CWC27: variants seen among roughly 807,000 people sequenced by gnomAD.
CWC27 encodes the protein CWC27 spliceosome associated cyclophilin.
CWC27 carries 47 observed loss-of-function variants against 63.6 expected under a neutral mutation model. The ratio of observed to expected loss-of-function variants is 0.74; its 90% CI spans 0.58 to 0.94. CWC27 has a LOEUF of 0.94. Ranked by LOEUF, CWC27 falls within the 40% of genes least tolerant of loss-of-function variation. CWC27 has a pLI of 0.00. For synonymous variants in CWC27, 175 were observed against 179.8 expected, an observed-to-expected ratio of 0.97 and a Z score of 0.22; for missense variants, 495 against 554.3, an observed-to-expected ratio of 0.89 and a Z score of 1.07.
intron 10 of CWC27, among the ~76,000 whole-genome samples, chr5:64,871,375 G>A (rs12659640): frequency 0.32 from 48,393 of 151,890 alleles, 8,609 homozygotes; most frequent in Middle Eastern, 0.5. Flanking sequence ...TCTTTATGGA[G>A]AACATGGCAT....
chr5:64,839,199 T>C (rs910978824), intron 10 of CWC27, among the ~76,000 whole-genome samples: 5 of 152,142 alleles, frequency 3.3e-5, no homozygotes, highest in Non-Finnish European at 7.4e-5. Flanking sequence ...TGCACAGAAT[T>C]TAGATATATG....
chr5:64,954,009 A>T (rs1479617691), intron 11 of CWC27, among the ~76,000 whole-genome samples: 3 of 152,030 alleles, frequency 2.0e-5, no homozygotes, highest in South Asian at 2.1e-4. Context: ...CTTTTTTTTT[A>T]AAACAAAAGT....
chr5:64,955,943 A>C (rs1748794980), intron 11 of CWC27, among the ~76,000 whole-genome samples: 1 of 152,124 alleles, frequency 6.6e-6, no homozygotes, highest in Admixed American at 6.6e-5. Flanking sequence ...TCCCTGTCTC[A>C]CCTTTGCACT....
chr5:64,867,576 G>A (rs546383032), intron 10 of CWC27, among the ~76,000 whole-genome samples: 10 of 152,136 alleles, frequency 6.6e-5, no homozygotes, highest in African/African-American at 1.7e-4. Flanking sequence ...TAAGTCAGAG[G>A]TCCTGGCAAA....
At chr5:64,827,149 A>G (rs1004339970) in intron 10 of CWC27, among the ~76,000 whole-genome samples, 5 of 152,256 alleles carry the variant, frequency 3.3e-5, no homozygotes, top group East Asian at 3.9e-4. Context: ...CATACTTGAT[A>G]TTTGTATTTA....
intron 13 of CWC27, among the ~76,000 whole-genome samples, chr5:64,994,220 A>G (rs954854828): frequency 5.9e-5 from 9 of 152,176 alleles, no homozygotes; most frequent in Admixed American, 6.5e-5. Context: ...TTTTCCCAAG[A>G]ACAGAATCAT....
intron 6 of CWC27, 32 bp from the exon 7 acceptor site, chr5:64,788,919 C>CTT: frequency 8.3e-5 from 103 of 1,240,162 alleles, no homozygotes; most frequent in Middle Eastern, 4.7e-4. Context: ...CTTTCTCTTT[C>CTT]TTTTTTTTTT....
intron 10 of CWC27, among the ~76,000 whole-genome samples, chr5:64,871,405 A>T (rs1050449218): frequency 6.6e-6 from 1 of 152,144 alleles, no homozygotes; most frequent in South Asian, 2.1e-4. Flanking sequence ...GATCTGAAGG[A>T]TGACTATGAG....
Position 64,801,285 on chromosome 5 carries a change from G to T in CWC27, c.750-17G>T. 7.1e-7 allele frequency: 1 copy of T among 1,417,252 alleles called. No homozygotes were observed. The highest frequency in any genetic ancestry group is 9.5e-7 in the Non-Finnish European group (1 of 1,050,052). 87.8% of individuals were successfully genotyped at this position (1,417,252 alleles called of 1,614,324 possible). ...TTACCTTGAAACTAAAATTTGTTTTGCTTATTTTTTTTATAGTGAAAAAGG... is the reference window on the plus strand; with the variant it reads ...TTACCTTGAAACTAAAATTTGTTTTTCTTATTTTTTTTATAGTGAAAAAGG... On this transcript the variant is annotated splice_polypyrimidine_tract_variant and intron_variant, in intron 8 of 13. Coordinates refer to ENST00000381070, the MANE Select transcript of CWC27 (RefSeq NM_005869.4).
At chr5:64,804,114 TA>T (rs200513803) in intron 9 of CWC27, 114 bp from the exon 10 acceptor site, 9,214 of 779,444 alleles carry the variant, frequency 0.012, 21 homozygotes, top group African/African-American at 0.022. Flanking sequence ...GAAAACAAAA[TA>T]AAAAAAAAAA....
chr5:64,842,614 T>C (rs189761835), intron 10 of CWC27, among the ~76,000 whole-genome samples: 71 of 151,622 alleles, frequency 4.7e-4, no homozygotes, highest in Admixed American at 2.0e-3. Context: ...TTTTTTTTTT[T>C]AATTAGATAG....
intron 13 of CWC27, among the ~76,000 whole-genome samples, chr5:64,981,073 C>G (rs944638777): frequency 6.6e-6 from 1 of 151,776 alleles, no homozygotes; most frequent in Non-Finnish European, 1.5e-5. Flanking sequence ...ACCTGGTTGA[C>G]AGAGCAAAAC....
chr5:64,800,815 G>GA (rs1050562448), intron 8 of CWC27, among the ~76,000 whole-genome samples: 4 of 152,132 alleles, frequency 2.6e-5, no homozygotes, highest in African/African-American at 9.7e-5. Context: ...TTTGAGAAGG[G>GA]AAAACGTCTT....
chr5:64,883,205 A>G (rs2112340246), intron 10 of CWC27, among the ~76,000 whole-genome samples: 1 of 152,320 alleles, frequency 6.6e-6, no homozygotes, highest in African/African-American at 2.4e-5. Flanking sequence ...AACTGCCACC[A>G]TGATCCAATC....
chr5:64,957,727 A>C (rs1306709994), intron 11 of CWC27, among the ~76,000 whole-genome samples: 1 of 152,166 alleles, frequency 6.6e-6, no homozygotes, highest in Non-Finnish European at 1.5e-5. Flanking sequence ...ACTGTTTAAT[A>C]AAAAACGTTA....
At chr5:64,888,259 ATAG>A (rs1747123820) in intron 11 of CWC27, among the ~76,000 whole-genome samples, 1 of 148,594 alleles carries the variant, frequency 6.7e-6, no homozygotes, top group African/African-American at 2.4e-5. Context: ...ATAAATAATA[ATAG>A]TTTCATATAA....
chr5:64,975,466 T>C (rs1749212971), intron 12 of CWC27, among the ~76,000 whole-genome samples: 2 of 152,204 alleles, frequency 1.3e-5, no homozygotes, highest in African/African-American at 4.8e-5. Flanking sequence ...GGACAGGTAG[T>C]ATTTTATCCC....
chr5:64,928,066 A>C (rs1291838488), intron 11 of CWC27, among the ~76,000 whole-genome samples: 1 of 152,106 alleles, frequency 6.6e-6, no homozygotes, highest in East Asian at 1.9e-4. Context: ...GAAGCAGGAT[A>C]ATCAGTTGAA....
chr5:64,840,611 A>G (rs1745807609), intron 10 of CWC27, among the ~76,000 whole-genome samples: 1 of 151,574 alleles, frequency 6.6e-6, no homozygotes, highest in South Asian at 2.1e-4. Context: ...TATTAATGCT[A>G]TTGTTTGTTA....
Sources: gnomAD v4.1 joint callset for allele counts (sites outside exome capture counted in the v4.1 genomes callset) on GRCh38, gnomAD v4.1.1 for gene constraint, MANE v1.5 for transcripts, NCBI Gene and HGNC (gene_info 2026-07-23, HGNC 2026-07-21) for gene names.